Variants in MAN2C1 observed in about 807,000 individuals in gnomAD.
MAN2C1 encodes mannosidase alpha class 2C member 1.
Under a neutral mutation model 126.9 loss-of-function variants are expected in MAN2C1, and 111 were observed. The ratio of observed to expected loss-of-function variants is 0.87; its 90% CI spans 0.75 to 1.02. MAN2C1 has a LOEUF of 1.02. Ranked by LOEUF, MAN2C1 falls within the 50% of genes least tolerant of loss-of-function variation. MAN2C1 has a pLI of 0.00. For missense variants in MAN2C1, 1,363 were observed against 1,364.4 expected, an observed-to-expected ratio of 1.00 and a Z score of 0.02; for synonymous variants, 567 against 561.5, an observed-to-expected ratio of 1.01 and a Z score of -0.14.
chr15:75,359,012 G>C, intron 18 of MAN2C1, 47 bp downstream of exon 18: 1 of 1,608,086 alleles, frequency 6.2e-7, no homozygotes. Context: ...GAAATGGCCT[G>C]GGGTCTACTT....
intron 21 of MAN2C1, 46 bp downstream of exon 21, chr15:75,358,155 C>T: frequency 6.2e-7 from 1 of 1,608,898 alleles, no homozygotes; most frequent in Non-Finnish European, 8.5e-7. Context: ...GCAGTCTCCC[C>T]AGCCAGGGAG....
intron 2 of MAN2C1, 21 bp from the exon 3 acceptor site, chr15:75,367,655 T>G (rs747965317): frequency 1.2e-6 from 2 of 1,613,988 alleles, no homozygotes; most frequent in Non-Finnish European, 1.7e-6. Context: ...GCTGTTGTGA[T>G]AGGCCTAGAG....
chr15:75,366,009 C>A, intron 4 of MAN2C1: 1 of 407,182 alleles, frequency 2.5e-6, no homozygotes, highest in Admixed American at 3.0e-5. Flanking sequence ...ATCGCTTGAA[C>A]CTGGGAGGCA....
chr15:75,362,678 C>G lies in MAN2C1; in HGVS notation c.861G>C (p.Met287Ile), dbSNP rs2072498932. The G allele has an allele frequency of 6.2e-7, 1 of 1,614,166 alleles. No homozygotes were observed. ...ARSWVTALQL[M>I]ERNPEFIFAC... ...CAAAGATGAACTCAGGGTTCCGCTC[C>G]ATGAGCTGCAGGGCGGTCACCCAGC... Residue 287 changes from methionine (M) to isoleucine (I), a missense_variant, in exon 7 of 26, where the codon ATG (methionine) becomes ATC (isoleucine). Coordinates refer to ENST00000267978, the MANE Select transcript of MAN2C1 (RefSeq NM_006715.4). The surrounding 1 kb of genome is among the most constrained non-coding windows in gnomAD (Gnocchi z 4.5).
At position 75,368,482 on chromosome 15, in the gene MAN2C1, C is replaced by T. The variant is rs1308594885; in HGVS notation, c.101+1G>A. On this transcript the variant is annotated splice_donor_variant, in intron 1 of 25. Transcript: ENST00000267978. LOFTEE classifies it high-confidence loss of function. ...CGGCTGCGGGGGACCAGGGGCCACA[C>T]CTGCCGCGGAGGTTACAGTCGGTAA... The T allele has an allele frequency of 3.2e-6, 5 of 1,550,570 alleles. No homozygotes were observed. The African/African-American group carries it at 4.1e-5, about 13-fold the overall frequency.
intron 4 of MAN2C1, among the ~76,000 whole-genome samples, chr15:75,365,220 T>C (rs965611778): frequency 2.0e-5 from 3 of 152,174 alleles, no homozygotes; most frequent in Non-Finnish European, 4.4e-5. Flanking sequence ...GCCCTCAGTT[T>C]TGTAATTATA....
rs1423955103 is a variant in MAN2C1, at chr15:75,360,570, C to T, written c.1579G>A (p.Ala527Thr). ...ELHNGTYTTH[A>T]QIKKGNRECE... is the part of the protein sequence containing the mutation. ...CCCTGCAACCTCCCCCTGACCTGGG[C>T]ATGGGTGGTGTATGTGCCATTGTGC... Residue 527 changes from alanine (A) to threonine (T), a missense_variant, in exon 13 of 26, where the codon GCC (alanine) becomes ACC (threonine). Around this residue, in one of 3 missense-constraint regions of MAN2C1, gnomAD observed 67 missense variants for 104.5 expected, o/e 0.64. Coordinates refer to ENST00000267978, the MANE Select transcript of MAN2C1 (RefSeq NM_006715.4). The T allele has an allele frequency of 6.2e-7, 1 of 1,613,582 alleles. No homozygotes were observed. The highest frequency in any genetic ancestry group is 1.1e-5 in the South Asian group (1 of 91,072).
chr15:75,367,916 AGCTGTTCCCAGCAGAGGGT>A (rs969452217), intron 2 of MAN2C1, 138 bp downstream of exon 2: 7 of 1,056,778 alleles, frequency 6.6e-6, no homozygotes, highest in Non-Finnish European at 9.3e-6. Flanking sequence ...GGGACCAGAG[AGCTGTTCCCAGCAGAGGGT>A]GCTGCTCCCA....
At chr15:75,367,987 A>C in intron 2 of MAN2C1, 86 bp downstream of exon 2, 7 of 1,464,774 alleles carry the variant, frequency 4.8e-6, no homozygotes, top group Non-Finnish European at 6.4e-6. Flanking sequence ...TCTACGGCAG[A>C]GGGCAGACAA....
At chr15:75,359,486 T>TGG (rs747139964) in intron 16 of MAN2C1, 61 bp from the exon 17 acceptor site, 2 of 1,570,356 alleles carry the variant, frequency 1.3e-6, no homozygotes, top group South Asian at 2.2e-5. Flanking sequence ...CTTGCGCAGG[T>TGG]GGGGATGGGT....
In MAN2C1 at chr15:75,358,208, C is replaced by G. The variant is rs757278357; in HGVS notation, c.2540G>C (p.Arg847Pro). ...CACCCTGCCATGTCAGACCTCAAAT[C>G]GAGCCCAGTCCCAAGAGGTATTGTA... ...THYNTSWDWA[R>P]FEVWAHRWMD... is the part of the protein sequence containing the mutation. Residue 847 changes from arginine to proline, a missense_variant, in exon 21 of 26, where the codon CGA becomes CCA. By Grantham distance (103) the Arg-to-Pro change is moderately radical. Coordinates refer to ENST00000267978, the MANE Select transcript of MAN2C1 (RefSeq NM_006715.4). 8 of 1,614,022 alleles carry G rather than the reference C, an allele frequency of 5.0e-6. No individual in the cohort carries two copies. In the African/African-American group the frequency reaches 8.0e-5, roughly 16 times the overall value.
rs1166895754 is a variant in MAN2C1 at position 75,361,499 on chromosome 15, G to C, written c.1218+105C>G. On this transcript the variant is annotated intron_variant, in intron 10 of 25. Coordinates refer to ENST00000267978, the MANE Select transcript of MAN2C1 (RefSeq NM_006715.4). This position sits in a 1 kb window ranked among gnomAD's most constrained non-coding sequence, Gnocchi z 5.0. ...TATGTGACCCTGGCAGAGGCAGAGT[G>C]AGGGTTTGGTGGTCTGTCTAGGACC... 2.4e-6 allele frequency: 3 copies of C among 1,264,368 alleles called. No homozygotes were observed. In the East Asian group the frequency reaches 6.9e-5, roughly 29 times the overall value. The allele number at this position is 1,264,368 out of a possible 1,614,324, so 78.3% of individuals were successfully genotyped here.
Position 75,362,051 on chromosome 15 carries a change from A to C in MAN2C1, c.1009-104T>G, listed in dbSNP as rs2072481483. On this transcript the variant is annotated intron_variant, in intron 8 of 25. Transcript: ENST00000267978. The surrounding 1 kb of genome is among the most constrained non-coding windows in gnomAD (Gnocchi z 4.5). ...CTGCAGGAGAAGCCAGGGCTGCTCA[A>C]ACATGGGAGTTACAGCCAGAACTCA... 1 of 884,236 alleles carries C rather than the reference A, an allele frequency of 1.1e-6. No homozygotes were observed. The highest frequency in any genetic ancestry group is 1.9e-6 in the Non-Finnish European group (1 of 539,106). 54.8% of individuals were successfully genotyped at this position (884,236 alleles called of 1,614,324 possible). A position where few individuals can be genotyped will look rare whatever the true frequency, so the allele number is the denominator to read the frequency against.
rs2072483209 is a variant in MAN2C1 at position 75,362,175 on chromosome 15, C to A, written c.1008+168G>T. 1.5e-6 allele frequency: 1 copy of A among 685,142 alleles called. No homozygotes were observed. Among genetic ancestry groups the A allele is most frequent in the Non-Finnish European group, 2.5e-6 (1 of 397,296 alleles). The allele number at this position is 685,142 out of a possible 1,614,324, so 42.4% of individuals were successfully genotyped here. On this transcript the variant is annotated intron_variant, in intron 8 of 25. Transcript: ENST00000267978. This position sits in a 1 kb window ranked among gnomAD's most constrained non-coding sequence, Gnocchi z 4.5. ...GTCACAGCGCTGGAGGCTCTCCTCC[C>A]CCTTGAAGTCCCAGGCCTTGAGATC...
Position 75,361,925 on chromosome 15 carries a change from T to C in MAN2C1, c.1031A>G (p.Glu344Gly). 6.2e-7 allele frequency: 1 copy of C among 1,613,978 alleles called. No homozygotes were observed. The highest frequency in any genetic ancestry group is 1.1e-5 in the South Asian group (1 of 91,078). ...CTGCAAAAACTGCCTCACCATGGCC[T>C]CTCCACTGGGCAGGTTCCCATCCTG... ...VEMDGNLPSG[E>G]AMVRQFLQGQ... The change falls in exon 9 of 26, where the codon GAG becomes GGG. Residue 344 changes from glutamate to glycine, a missense_variant. By Grantham distance (98) the Glu-to-Gly change is moderately conservative. Coordinates refer to ENST00000267978, the MANE Select transcript of MAN2C1 (RefSeq NM_006715.4). The surrounding 1 kb of genome is among the most constrained non-coding windows in gnomAD (Gnocchi z 5.0).
Position 75,356,191 on chromosome 15 carries a change from AGCGAGCG to A in MAN2C1, c.2908_2914del (p.Arg970TrpfsTer3), listed in dbSNP as rs746628717. The A allele has an allele frequency of 1.2e-6, 2 of 1,613,360 alleles. No individual in the cohort carries two copies. The highest frequency in any genetic ancestry group is 2.7e-5 in the African/African-American group (2 of 74,924). ...GTGGGCCTCATACAGCCTCAGGACC[AGCGAGCG>A]GCGCTGGGGGCTGCTCTCCGCCTGC... On this transcript the variant is annotated frameshift_variant, in exon 25 of 26. Coordinates refer to ENST00000267978, the MANE Select transcript of MAN2C1 (RefSeq NM_006715.4). LOFTEE classifies it high-confidence loss of function. The surrounding 1 kb of genome is among the most constrained non-coding windows in gnomAD (Gnocchi z 5.8).
chr15:75,357,532 C>T (rs1050822174), intron 21 of MAN2C1, among the ~76,000 whole-genome samples: 6 of 151,946 alleles, frequency 3.9e-5, no homozygotes, highest in African/African-American at 1.5e-4. Flanking sequence ...TGGTCTCGAT[C>T]TCTTGACCTC....
At chr15:75,366,248 GTGCAGCGGTGTGATCATGGCTCAC>G (rs2072572974) in intron 4 of MAN2C1, among the ~76,000 whole-genome samples, 1 of 152,252 alleles carries the variant, frequency 6.6e-6, no homozygotes, top group Non-Finnish European at 1.5e-5. Flanking sequence ...CCAGGCTGCA[GTGCAGCGGTGTGATCATGGCTCAC>G]TGCAGCCTCA....
chr15:75,356,606 C>T lies in MAN2C1; in HGVS notation c.2737G>A (p.Gly913Ser), dbSNP rs1359519663. Residue 913 changes from glycine to serine, a missense_variant and splice_region_variant, in exon 23 of 26, where the codon GGC becomes AGC. This residue lies in a region of MAN2C1 where 668 missense variants were observed against 650.1 expected (regional missense o/e 1.03). Transcript: ENST00000267978. This position sits in a 1 kb window ranked among gnomAD's most constrained non-coding sequence, Gnocchi z 5.8. Reference protein sequence around the residue: ...EFTYALMPHKGSFQDAGVIQA... With the variant: ...EFTYALMPHKSSFQDAGVIQA... ...AGGCCCCACCGTCCCCAGCACTCAC[C>T]CTTGTGCGGCATCAGTGCATAGGTG... The T allele has an allele frequency of 6.4e-7, 1 of 1,559,328 alleles. No individual in the cohort carries two copies. Among genetic ancestry groups the T allele is most frequent in the Non-Finnish European group, 8.7e-7 (1 of 1,152,106 alleles).
Sources: gnomAD v4.1 joint callset for allele counts (sites outside exome capture counted in the v4.1 genomes callset) on GRCh38, gnomAD v4.1.1 for gene constraint, gnomAD v4.1.1 regional missense constraint, Gnocchi (gnomAD v3.1) non-coding constraint, MANE v1.5 for transcripts, NCBI Gene and HGNC (gene_info 2026-07-23, HGNC 2026-07-21) for gene names.